WAC: variants seen among roughly 807,000 people sequenced by gnomAD.
WAC encodes the protein WW domain-containing adapter protein with coiled-coil.
WAC carries 11 observed loss-of-function variants against 79.6 expected under a neutral mutation model. That is an observed-to-expected ratio of 0.14 (90% CI 0.09 to 0.23). WAC has a LOEUF of 0.23. Ranked by LOEUF, WAC falls within the 10% of genes least tolerant of loss-of-function variation. WAC has a pLI of 1.00. For synonymous variants in WAC, 304 were observed against 276.9 expected, an observed-to-expected ratio of 1.10 and a Z score of -0.97; for missense variants, 728 against 773.5, an observed-to-expected ratio of 0.94 and a Z score of 0.70.
intron 8 of WAC, among the ~76,000 whole-genome samples, chr10:28,610,277 T>A (rs540428838): frequency 2.0e-5 from 3 of 152,104 alleles, no homozygotes; most frequent in East Asian, 1.9e-4. Context: ...GATCTTGATA[T>A]AGGATTTGAA....
intron 3 of WAC, among the ~76,000 whole-genome samples, chr10:28,572,296 C>T (rs1176766799): frequency 6.8e-6 from 1 of 147,402 alleles, no homozygotes; most frequent in Non-Finnish European, 1.5e-5. Context: ...GAGATCGCAC[C>T]ACTGCACTCC....
chr10:28,589,929 T>C, intron 5 of WAC, 78 bp downstream of exon 5: 1 of 1,109,430 alleles, frequency 9.0e-7, no homozygotes, highest in Non-Finnish European at 1.3e-6. Context: ...CATTAAACAT[T>C]CTAATTTAGC....
chr10:28,611,984 T>A, intron 10 of WAC, 62 bp downstream of exon 10: 1 of 1,570,442 alleles, frequency 6.4e-7, no homozygotes, highest in Non-Finnish European at 8.7e-7. Flanking sequence ...GTCAATAACA[T>A]TTTAGAATCT....
intron 3 of WAC, among the ~76,000 whole-genome samples, chr10:28,569,800 T>C (rs947902086): frequency 1.8e-4 from 27 of 152,366 alleles, no homozygotes; most frequent in Middle Eastern, 6.8e-3. Context: ...TTTTTATCTT[T>C]AGTACAGTAC....
intron 4 of WAC, among the ~76,000 whole-genome samples, chr10:28,585,326 A>G (rs2132641583): frequency 6.6e-6 from 1 of 152,142 alleles, no homozygotes; most frequent in Non-Finnish European, 1.5e-5. Context: ...AGAGCTGGTA[A>G]CAACGGCGGC....
At chr10:28,559,674 C>T (rs111844647) in intron 3 of WAC, among the ~76,000 whole-genome samples, 13 of 152,224 alleles carry the variant, frequency 8.5e-5, no homozygotes, top group African/African-American at 2.4e-4. Context: ...TTATTGTTAT[C>T]GTTAATGATA....
intron 3 of WAC, among the ~76,000 whole-genome samples, chr10:28,566,362 A>G (rs1380265826): frequency 1.3e-5 from 2 of 152,214 alleles, no homozygotes; most frequent in African/African-American, 4.8e-5. Flanking sequence ...GTAAATATTT[A>G]CTGTATAATG....
chr10:28,619,813 G>T lies in WAC; in HGVS notation c.*207G>T, dbSNP rs528257795. ...CTTGAAATGTAGATTTCTTGTAGAT[G>T]TATCCTTCACGTTGTAAATATGTTT... On this transcript the variant is annotated 3_prime_UTR_variant, in exon 14 of 14. Coordinates refer to ENST00000354911, the MANE Select transcript of WAC (RefSeq NM_016628.5). 2.2e-6 allele frequency: 1 copy of T among 450,214 alleles called. No homozygotes were observed. Among genetic ancestry groups the T allele is most frequent in the South Asian group, 3.7e-5 (1 of 26,808 alleles). 27.9% of individuals were successfully genotyped at this position (450,214 alleles called of 1,614,324 possible). A position where few individuals can be genotyped will look rare whatever the true frequency, so the allele number is the denominator to read the frequency against.
intron 8 of WAC, 149 bp downstream of exon 8, chr10:28,608,580 T>C: frequency 1.1e-6 from 1 of 892,500 alleles, no homozygotes; most frequent in Non-Finnish European, 1.6e-6. Flanking sequence ...TTTTTGGAGT[T>C]TGGAAATTTA....
chr10:28,572,069 T>G (rs1313704060), intron 3 of WAC, among the ~76,000 whole-genome samples: 1 of 152,176 alleles, frequency 6.6e-6, no homozygotes, highest in Admixed American at 6.5e-5. Flanking sequence ...CCAGGCACAG[T>G]GGCTCAGGCC....
intron 4 of WAC, among the ~76,000 whole-genome samples, chr10:28,584,666 T>A (rs534428274): frequency 6.6e-6 from 1 of 152,190 alleles, no homozygotes; most frequent in African/African-American, 2.4e-5. Context: ...CATGTCTTAA[T>A]TGACGTTGAA....
chr10:28,550,504 A>G (rs1047381650), intron 3 of WAC, among the ~76,000 whole-genome samples: 8 of 151,846 alleles, frequency 5.3e-5, no homozygotes, highest in South Asian at 2.1e-4. Context: ...TTTGCCTGCT[A>G]CACTTTGAGC....
intron 2 of WAC, among the ~76,000 whole-genome samples, chr10:28,534,703 A>G (rs573647235): frequency 1.3e-5 from 2 of 152,376 alleles, no homozygotes; most frequent in African/African-American, 2.4e-5. Flanking sequence ...GGGAAACCTC[A>G]TAATGATTGT....
At chr10:28,578,228 C>T (rs1839349044) in intron 3 of WAC, among the ~76,000 whole-genome samples, 1 of 152,154 alleles carries the variant, frequency 6.6e-6, no homozygotes, top group African/African-American at 2.4e-5. Flanking sequence ...ACTTTGAGAT[C>T]TACAATTTTT....
chr10:28,610,911 C>CTT (rs1313730485), intron 9 of WAC, 90 bp downstream of exon 9: 1 of 1,256,018 alleles, frequency 8.0e-7, no homozygotes, highest in Non-Finnish European at 1.0e-6. Flanking sequence ...TTTTTTCTTT[C>CTT]ATTTTTTTTT....
Position 28,537,329 on chromosome 10 carries a change from C to G in WAC, c.274+1572C>G, listed in dbSNP as rs557168609. On this transcript the variant is annotated intron_variant, in intron 3 of 13. Coordinates refer to ENST00000354911, the MANE Select transcript of WAC (RefSeq NM_016628.5). ...TAAAGCCTGAGATGGTACTCTCTATCAACCACTCTTCTATAGTGGATTTCA... is the reference window on the plus strand; with the variant it reads ...TAAAGCCTGAGATGGTACTCTCTATGAACCACTCTTCTATAGTGGATTTCA... 2.0e-5 allele frequency among the ~76,000 whole-genome samples: 3 copies of G among 152,314 alleles called. No individual in the cohort carries two copies. In the East Asian group the frequency reaches 5.8e-4, roughly 29 times the overall value.
In WAC at chr10:28,553,033, C is replaced by T. The variant is rs1443860138; in HGVS notation, c.274+17276C>T. 6.4e-4 allele frequency among the ~76,000 whole-genome samples: 97 copies of T among 151,766 alleles called. 1 individual carries two copies. Among genetic ancestry groups the T allele is most frequent in the East Asian group, 3.9e-4 (2 of 5,190 alleles). Reference sequence around the variant, plus strand: ...CCAGCTCATGGTAACTTTCCCTGCCCGAGGTAGTATTTATGGCTTCATTTG... The same window carrying T: ...CCAGCTCATGGTAACTTTCCCTGCCTGAGGTAGTATTTATGGCTTCATTTG... On this transcript the variant is annotated intron_variant, in intron 3 of 13. Transcript: ENST00000354911.
At chr10:28,556,092 A>G (rs969354142) in intron 3 of WAC, among the ~76,000 whole-genome samples, 1 of 152,154 alleles carries the variant, frequency 6.6e-6, no homozygotes, top group Non-Finnish European at 1.5e-5. Flanking sequence ...CTTTGGATAG[A>G]TATCCAGTTG....
At chr10:28,541,420 G>GTTTTT (rs869099181) in intron 3 of WAC, among the ~76,000 whole-genome samples, 1 of 49,208 alleles carries the variant, frequency 2.0e-5, no homozygotes, top group Non-Finnish European at 3.3e-5. Flanking sequence ...TGTGTGTTTT[G>GTTTTT]TTTTTTTTTT....
Sources: allele counts gnomAD v4.1 joint callset (sites outside exome capture counted in the v4.1 genomes callset), GRCh38; gene constraint gnomAD v4.1.1; transcripts MANE v1.5; gene names NCBI Gene and HGNC (gene_info 2026-07-23, HGNC 2026-07-21).